Variants in SMIM14 observed in about 807,000 individuals in gnomAD.
SMIM14 encodes small integral membrane protein 14, also known as chromosome 4 open reading frame 34.
SMIM14 carries 5 observed loss-of-function variants against 12.6 expected under a neutral mutation model. The observed-to-expected ratio is 0.40, with a 90% CI of 0.21 to 0.83. The LOEUF (loss-of-function observed/expected upper bound fraction) is 0.83. Among genes scored for constraint, SMIM14 ranks in the 40% least tolerant of loss-of-function variants. The pLI is 0.37. For missense variants in SMIM14, 86 were observed against 119.1 expected (o/e 0.72, Z 1.29); for synonymous variants, 30 against 40.1 (o/e 0.75, Z 0.95).
intron 2 of SMIM14, among the ~76,000 whole-genome samples, chr4:39,591,937 T>C (rs1434881565): frequency 2.6e-5 from 4 of 152,114 alleles, no homozygotes; most frequent in Admixed American, 1.3e-4. Flanking sequence ...CTCACGACTG[T>C]AATCTTAGCA....
intron 2 of SMIM14, among the ~76,000 whole-genome samples, chr4:39,581,518 C>CTTTTTTTTTTTTTTTTTTTTTTT (rs1432369898): frequency 7.6e-6 from 1 of 132,094 alleles, no homozygotes; most frequent in Admixed American, 8.6e-5. Context: ...TTTTCTTTTT[C>CTTTTTTTTTTTTTTTTTTTTTTT]TTTTTTTTTT....
At chr4:39,580,813 C>T (rs1457748795) in intron 2 of SMIM14, among the ~76,000 whole-genome samples, 1 of 152,012 alleles carries the variant, frequency 6.6e-6, no homozygotes, top group Admixed American at 6.6e-5. Flanking sequence ...GTGTGAGCTA[C>T]CGCACCCAGC....
At chr4:39,606,754 G>T (rs910000046) in intron 1 of SMIM14, among the ~76,000 whole-genome samples, 1 of 152,128 alleles carries the variant, frequency 6.6e-6, no homozygotes, top group African/African-American at 2.4e-5. Context: ...CTGCCTCGAG[G>T]AGACTCTAGT....
At position 39,558,989 on chromosome 4, in the gene SMIM14, T is replaced by C. The variant is rs1313949279; in HGVS notation, c.125-2419A>G. Among the ~76,000 whole-genome samples the C allele has an allele frequency of 6.6e-6, 1 of 152,210 alleles. No homozygotes were observed. The highest frequency in any genetic ancestry group is 1.5e-5 in the Non-Finnish European group (1 of 68,036). On this transcript the variant is annotated intron_variant, in intron 3 of 4. Transcript: ENST00000295958. The surrounding 1 kb of genome is among the most constrained non-coding windows in gnomAD (Gnocchi z 4.3). ...TCCCAAAGTGCTGGGATTACAGGCA[T>C]GAGCCACCGCGCCTGGCTGCAGTTT... is the stretch of plus-strand genomic sequence containing the variant.
chr4:39,638,789 G>T lies in SMIM14; in HGVS notation c.-86C>A, dbSNP rs1446428835. 2.0e-6 allele frequency: 2 copies of T among 985,448 alleles called. No homozygotes were observed. The highest frequency in any genetic ancestry group is 3.5e-5 in the African/African-American group (2 of 57,248). 61.0% of individuals were successfully genotyped at this position (985,448 alleles called of 1,614,324 possible). A position where few individuals can be genotyped will look rare whatever the true frequency, so the allele number is the denominator to read the frequency against. On this transcript the variant is annotated 5_prime_UTR_variant, in exon 1 of 5. Coordinates refer to ENST00000295958, the MANE Select transcript of SMIM14 (RefSeq NM_174921.3). ...GGGGAGGATGGGGGCCGGGACCGAGGCTCGGCAGAAAGACCGCCTGGAGCT... is the reference window on the plus strand; with the variant it reads ...GGGGAGGATGGGGGCCGGGACCGAGTCTCGGCAGAAAGACCGCCTGGAGCT...
intron 3 of SMIM14, among the ~76,000 whole-genome samples, chr4:39,568,010 G>C (rs559450260): frequency 6.6e-6 from 1 of 152,290 alleles, no homozygotes; most frequent in East Asian, 1.9e-4. Context: ...GGGCGCGGTA[G>C]CTCACGCCTG....
intron 2 of SMIM14, among the ~76,000 whole-genome samples, chr4:39,603,546 G>C (rs748193200): frequency 2.0e-5 from 3 of 151,918 alleles, no homozygotes; most frequent in Non-Finnish European, 2.9e-5. Flanking sequence ...GTGACAGAGC[G>C]AGACTCCATC....
At chr4:39,607,275 T>C (rs148104660) in intron 1 of SMIM14, among the ~76,000 whole-genome samples, 2 of 152,368 alleles carry the variant, frequency 1.3e-5, no homozygotes, top group African/African-American at 2.4e-5. Context: ...TTATTGTTTA[T>C]CAATTATATC....
intron 2 of SMIM14, among the ~76,000 whole-genome samples, chr4:39,573,830 G>A (rs1305513790): frequency 6.6e-6 from 1 of 152,160 alleles, no homozygotes; most frequent in Admixed American, 6.5e-5. Flanking sequence ...TGGGGGAGTA[G>A]AGAAGAGTGA....
chr4:39,598,946 T>A (rs1289724836), intron 2 of SMIM14, among the ~76,000 whole-genome samples: 2 of 152,082 alleles, frequency 1.3e-5, no homozygotes, highest in African/African-American at 4.8e-5. Flanking sequence ...GGAAGGTACT[T>A]TGTTTCTCGT....
intron 3 of SMIM14, among the ~76,000 whole-genome samples, chr4:39,562,403 CAAACAAAA>C (rs1560283857): frequency 6.6e-6 from 1 of 151,998 alleles, no homozygotes. Flanking sequence ...AACAAACAAA[CAAACAAAA>C]AATCCCCTCT....
intron 1 of SMIM14, among the ~76,000 whole-genome samples, chr4:39,610,903 A>G (rs1715008249): frequency 6.6e-6 from 1 of 152,168 alleles, no homozygotes; most frequent in African/African-American, 2.4e-5. Context: ...ACTGGGATAC[A>G]TATAGAATAT....
intron 3 of SMIM14, among the ~76,000 whole-genome samples, chr4:39,567,315 C>A (rs6823848): frequency 0.34 from 52,127 of 151,952 alleles, 11,140 homozygotes; most frequent in African/African-American, 0.57. Context: ...GCTAAGTACT[C>A]AAAATGGGCC....
intron 4 of SMIM14, among the ~76,000 whole-genome samples, chr4:39,553,310 G>A (rs367673921): frequency 6.6e-6 from 1 of 152,084 alleles, no homozygotes; most frequent in Non-Finnish European, 1.5e-5. Context: ...TGATCCACCT[G>A]CCTCAGCCTC....
intron 3 of SMIM14, among the ~76,000 whole-genome samples, chr4:39,567,892 G>A (rs1419107908): frequency 6.6e-6 from 1 of 152,110 alleles, no homozygotes; most frequent in Non-Finnish European, 1.5e-5. Flanking sequence ...GTGACAAAGT[G>A]AGACCCTGTC....
chr4:39,567,761 G>T (rs1387990284), intron 3 of SMIM14, among the ~76,000 whole-genome samples: 1 of 151,812 alleles, frequency 6.6e-6, no homozygotes, highest in Non-Finnish European at 1.5e-5. Flanking sequence ...AAAAAAATTA[G>T]CTGGGCATGG....
chr4:39,587,950 C>T (rs77214567), intron 2 of SMIM14: 3 of 152,474 alleles, frequency 2.0e-5, no homozygotes, highest in East Asian at 1.9e-4. Flanking sequence ...GGAACCAGGC[C>T]ACCATTCTAT....
At chr4:39,627,815 C>G in intron 1 of SMIM14, among the ~76,000 whole-genome samples, 1 of 152,192 alleles carries the variant, frequency 6.6e-6, no homozygotes, top group East Asian at 1.9e-4. Flanking sequence ...CCTAAGAATT[C>G]TCTCTGTGCC....
intron 1 of SMIM14, among the ~76,000 whole-genome samples, chr4:39,629,950 A>G (rs1715841350): frequency 6.6e-6 from 1 of 152,158 alleles, no homozygotes; most frequent in Non-Finnish European, 1.5e-5. Context: ...TAACAGCTGT[A>G]TTACAAAATA....
Sources: gnomAD v4.1 joint callset for allele counts (sites outside exome capture counted in the v4.1 genomes callset) on GRCh38, gnomAD v4.1.1 for gene constraint, Gnocchi (gnomAD v3.1) non-coding constraint, MANE v1.5 for transcripts, NCBI Gene and HGNC (gene_info 2026-07-23, HGNC 2026-07-21) for gene names.